XKR5: variants seen among roughly 807,000 people sequenced by gnomAD.
XKR5 encodes XK-related protein 5.
In XKR5, 46 loss-of-function variants were observed where a neutral mutation model predicts 40.8. That is an observed-to-expected ratio of 1.13 (90% CI 0.89 to 1.44). The LOEUF (loss-of-function observed/expected upper bound fraction) is 1.44, where lower values mean the gene tolerates loss of function less well. Among genes scored for constraint, XKR5 ranks in the 40% most tolerant of loss-of-function variants. XKR5 has a pLI of 0.00. For missense variants in XKR5, 1,169 were observed against 844.7 expected (o/e 1.38, Z -4.76); for synonymous variants, 466 against 356.1 (o/e 1.31, Z -3.48).
At chr8:6,825,726 G>C (rs570806485) in intron 2 of XKR5, among the ~76,000 whole-genome samples, 2 of 152,232 alleles carry the variant, frequency 1.3e-5, no homozygotes, top group African/African-American at 2.4e-5. Flanking sequence ...TTCATTTATC[G>C]ACAGATGTCT....
intron 1 of XKR5, among the ~76,000 whole-genome samples, chr8:6,834,456 C>T (rs886255654): frequency 4.6e-5 from 7 of 152,234 alleles, no homozygotes; most frequent in African/African-American, 1.7e-4. Context: ...ATGCTGACAC[C>T]CAGTCCGTGC....
chr8:6,834,407 C>A (rs1007780235), intron 1 of XKR5, among the ~76,000 whole-genome samples: 1 of 152,264 alleles, frequency 6.6e-6, no homozygotes, highest in African/African-American at 2.4e-5. Context: ...GCGGCAGCCT[C>A]CCTTGCACGA....
At chr8:6,828,417 C>T (rs1356125061) in intron 2 of XKR5, among the ~76,000 whole-genome samples, 3 of 152,140 alleles carry the variant, frequency 2.0e-5, no homozygotes, top group African/African-American at 4.8e-5. Context: ...CCAGGAGAGG[C>T]TGAGTTGTGG....
At position 6,832,672 on chromosome 8, in the gene XKR5, CTTGTGCAA is replaced by C. The variant is rs770629070; in HGVS notation, c.242+37_242+44del. The C allele has an allele frequency of 1.1e-5, 17 of 1,604,926 alleles. No individual in the cohort carries two copies. The Admixed American group carries it at 2.9e-4, about 27-fold the overall frequency. ...TGGAGAGAAGATTCCTCTCACTGCA[CTTGTGCAA>C]TTGTGCTCCAGAGGTGAAAGAGGCA... On this transcript the variant is annotated intron_variant, in intron 2 of 6. Coordinates refer to ENST00000618742, the MANE Select transcript of XKR5 (RefSeq NM_207411.5).
chr8:6,829,688 CTATTTT>C (rs752574074), intron 2 of XKR5, among the ~76,000 whole-genome samples: 58 of 151,874 alleles, frequency 3.8e-4, no homozygotes, highest in Admixed American at 3.3e-4. Flanking sequence ...GCTAATTTGT[CTATTTT>C]TAGTGGAGAT....
At position 6,832,680 on chromosome 8, in the gene XKR5, A is replaced by G. The variant is rs114623870; in HGVS notation, c.242+37T>C. The G allele has an allele frequency of 4.4e-4, 715 of 1,609,338 alleles. 4 individuals carry two copies. The African/African-American group carries it at 8.0e-3, about 18-fold the overall frequency. On this transcript the variant is annotated intron_variant, in intron 2 of 6. Transcript: ENST00000618742. Reference sequence around the variant, plus strand: ...AGATTCCTCTCACTGCACTTGTGCAATTGTGCTCCAGAGGTGAAAGAGGCA... The same window carrying G: ...AGATTCCTCTCACTGCACTTGTGCAGTTGTGCTCCAGAGGTGAAAGAGGCA...
intron 2 of XKR5, among the ~76,000 whole-genome samples, chr8:6,832,489 G>A (rs1804814447): frequency 6.6e-6 from 1 of 152,176 alleles, no homozygotes; most frequent in African/African-American, 2.4e-5. Context: ...CCTTTCGTAA[G>A]GTCACAGCTT....
chr8:6,832,327 G>C (rs1322076801), intron 2 of XKR5, among the ~76,000 whole-genome samples: 1 of 152,228 alleles, frequency 6.6e-6, no homozygotes, highest in Non-Finnish European at 1.5e-5. Context: ...TCATTGTCTA[G>C]TCTGTGGTTC....
intron 5 of XKR5, among the ~76,000 whole-genome samples, chr8:6,821,603 A>G (rs1310517616): frequency 1.3e-5 from 2 of 152,204 alleles, no homozygotes; most frequent in Non-Finnish European, 2.9e-5. Context: ...AGGTGGGCTG[A>G]TGTAGAGAAG....
chr8:6,817,092 C>T (rs1157445788), intron 5 of XKR5, among the ~76,000 whole-genome samples: 1 of 152,184 alleles, frequency 6.6e-6, no homozygotes, highest in Admixed American at 6.5e-5. Flanking sequence ...CCGTCACCTG[C>T]CTCCTGTCTT....
chr8:6,833,215 C>G (rs879408118), intron 1 of XKR5, among the ~76,000 whole-genome samples: 1 of 152,190 alleles, frequency 6.6e-6, no homozygotes, highest in Non-Finnish European at 1.5e-5. Context: ...AAACTAGGGA[C>G]CACCCTTATA....
At chr8:6,821,464 C>T (rs1804219946) in intron 5 of XKR5, among the ~76,000 whole-genome samples, 1 of 152,188 alleles carries the variant, frequency 6.6e-6, no homozygotes, top group Non-Finnish European at 1.5e-5. Flanking sequence ...TATTAGGCCA[C>T]TTTTGTGTTT....
At chr8:6,831,492 C>T (rs116686745) in intron 2 of XKR5, among the ~76,000 whole-genome samples, 4,774 of 152,160 alleles carry the variant, frequency 0.031, 242 homozygotes, top group African/African-American at 0.11. Context: ...CTACTCTGGG[C>T]GGGACGGCAC....
In XKR5 at chr8:6,811,280, G is replaced by C; in HGVS notation, c.1979C>G (p.Thr660Arg). The change falls in exon 7 of 7, where the codon ACG becomes AGG. Residue 660 changes from threonine (T) to arginine (R), a missense_variant. Physicochemically the swap from Thr to Arg is moderately conservative, Grantham distance 71. Transcript: ENST00000618742. ...GATAGACTCAGACTTAGGGGTGGAC[G>C]TGAGGCAGGGCTCATGGGCAGTCCT... ...QLRTAHEPCLTSTPKSESIQT... is the reference protein window; with the variant it reads ...QLRTAHEPCLRSTPKSESIQT... 6.5e-7 allele frequency: 1 copy of C among 1,537,326 alleles called. No homozygotes were observed. Among genetic ancestry groups the C allele is most frequent in the Non-Finnish European group, 8.7e-7 (1 of 1,146,928 alleles).
At position 6,818,723 on chromosome 8, in the gene XKR5, G is replaced by A. The variant is rs574042738; in HGVS notation, c.808-2805C>T. 1.5e-3 allele frequency among the ~76,000 whole-genome samples: 232 copies of A among 152,194 alleles called. 3 individuals carry two copies. Among genetic ancestry groups the A allele is most frequent in the African/African-American group, 5.3e-3 (220 of 41,536 alleles). Reference sequence around the variant, plus strand: ...ATCTCTGAGGGGGAGCCTGGGAATCGCCACTTTATAAAAGCTCCCCTGAGT... The same window carrying A: ...ATCTCTGAGGGGGAGCCTGGGAATCACCACTTTATAAAAGCTCCCCTGAGT... On this transcript the variant is annotated intron_variant, in intron 5 of 6. Transcript: ENST00000618742.
Position 6,829,516 on chromosome 8 carries a change from A to ATATT in XKR5, c.242+3197_242+3200dup, listed in dbSNP as rs370961531. Among the ~76,000 whole-genome samples, 953 of 152,166 alleles carry ATATT rather than the reference A, an allele frequency of 6.3e-3. 14 individuals are homozygous for ATATT. Among genetic ancestry groups the ATATT allele is most frequent in the African/African-American group, 0.021 (880 of 41,516 alleles). On this transcript the variant is annotated intron_variant, in intron 2 of 6. Transcript: ENST00000618742. Reference sequence around the variant, plus strand: ...TTATGGCTTAAATCCTTGCCTTTTTATATTTATTTATTTATTTGAGATTGA... The same window carrying ATATT: ...TTATGGCTTAAATCCTTGCCTTTTTATATTTATTTATTTATTTATTTGAGATTGA...
intron 6 of XKR5, 73 bp downstream of exon 6, chr8:6,815,734 C>A: frequency 1.9e-6 from 2 of 1,066,854 alleles, no homozygotes; most frequent in Non-Finnish European, 1.4e-6. Flanking sequence ...GTTTCCTACC[C>A]TTTGAGCCCA....
chr8:6,812,147 G>T lies in XKR5; in HGVS notation c.1112C>A (p.Pro371Gln). ...GGTAGGGGGCTTCCCTAAAATGGTT[G>T]GTTCATAACTTGCCCCTTGGCATGA... is the stretch of plus-strand genomic sequence containing the variant. ...SGSCQGASYE[P>Q]TILGKPPTPE... Residue 371 changes from proline to glutamine, a missense_variant, in exon 7 of 7, where the codon CCA becomes CAA. Coordinates refer to ENST00000618742, the MANE Select transcript of XKR5 (RefSeq NM_207411.5). The T allele has an allele frequency of 6.4e-7, 1 of 1,551,212 alleles. No individual in the cohort carries two copies.
At chr8:6,814,342 C>T (rs73661484) in intron 6 of XKR5, among the ~76,000 whole-genome samples, 3,293 of 152,262 alleles carry the variant, frequency 0.022, 105 homozygotes, top group African/African-American at 0.073. Flanking sequence ...GGAGGCTCTC[C>T]GGAGAGCTCT....
Sources: allele counts gnomAD v4.1 joint callset (sites outside exome capture counted in the v4.1 genomes callset), GRCh38; gene constraint gnomAD v4.1.1; transcripts MANE v1.5; gene names NCBI Gene and HGNC (gene_info 2026-07-23, HGNC 2026-07-21).